PSORS1C1: variants seen among roughly 807,000 people sequenced by gnomAD.
PSORS1C1 encodes psoriasis susceptibility 1 candidate gene 1 protein.
PSORS1C1 carries 7 observed loss-of-function variants against 9.4 expected under a neutral mutation model. The ratio of observed to expected loss-of-function variants is 0.75; its 90% CI spans 0.42 to 1.40. The LOEUF is 1.40. Ranked by LOEUF, PSORS1C1 falls within the 40% of genes most tolerant of loss-of-function variation. The pLI is 0.01. For synonymous variants in PSORS1C1, 63 were observed against 69.4 expected (o/e 0.91, Z 0.46); for missense variants, 146 against 178.1 (o/e 0.82, Z 1.02).
At position 31,115,878 on chromosome 6, in the gene PSORS1C1, T is replaced by C. The variant is rs1372406947; in HGVS notation, c.-229+987T>C. 2.5e-5 allele frequency: 17 copies of C among 680,796 alleles called. No individual in the cohort carries two copies. Among genetic ancestry groups the C allele is most frequent in the Non-Finnish European group, 3.4e-5 (13 of 383,088 alleles). 42.2% of individuals were successfully genotyped at this position (680,796 alleles called of 1,614,324 possible). A position where few individuals can be genotyped will look rare whatever the true frequency, so the allele number is the denominator to read the frequency against. On this transcript the variant is annotated intron_variant, in intron 1 of 5. Coordinates refer to ENST00000259881, the MANE Select transcript of PSORS1C1 (RefSeq NM_014068.3). The surrounding 1 kb of genome is among the most constrained non-coding windows in gnomAD (Gnocchi z 4.2). ...GGTGATAAGAGAGAGTCTGCAACCT[T>C]GGGGTAGTGGAGAAAGCAGAACCAC...
rs185637801 is a variant in PSORS1C1 at position 31,123,580 on chromosome 6, T to C, written c.-228-2096T>C. On this transcript the variant is annotated intron_variant, in intron 1 of 5. Coordinates refer to ENST00000259881, the MANE Select transcript of PSORS1C1 (RefSeq NM_014068.3). ...CCGTGCATTGGACCGGGTGAGAAAG[T>C]GTGGGTGGCGTAGACACTCTACACC... Among the ~76,000 whole-genome samples the C allele has an allele frequency of 6.2e-4, 94 of 152,198 alleles. No homozygotes were observed. In the East Asian group the frequency reaches 8.1e-3, roughly 13 times the overall value.
intron 1 of PSORS1C1, among the ~76,000 whole-genome samples, chr6:31,124,981 G>A (rs1270079632): frequency 7.1e-6 from 1 of 141,484 alleles, no homozygotes; most frequent in Non-Finnish European, 1.5e-5. Context: ...AAAAAAAAGT[G>A]AAGAATTCTT....
At position 31,139,226 on chromosome 6, in the gene PSORS1C1, A is replaced by C; in HGVS notation, c.168-415A>C. ...GTGGCGTCCCTTATTTTAGTCCTCC[A>C]GCCCAGGACCCAGCTGCCTGCTCTC... On this transcript the variant is annotated intron_variant, in intron 5 of 5. Coordinates refer to ENST00000259881, the MANE Select transcript of PSORS1C1 (RefSeq NM_014068.3). The surrounding 1 kb of genome is among the most constrained non-coding windows in gnomAD (Gnocchi z 5.2). The C allele has an allele frequency of 1.7e-6, 1 of 592,912 alleles. No individual in the cohort carries two copies. The highest frequency in any genetic ancestry group is 3.0e-6 in the Non-Finnish European group (1 of 333,062). 36.7% of individuals were successfully genotyped at this position (592,912 alleles called of 1,614,324 possible).
chr6:31,137,775 A>G, intron 3 of PSORS1C1: 1 of 415,568 alleles, frequency 2.4e-6, no homozygotes, highest in South Asian at 9.6e-5. Context: ...TATGGATCTC[A>G]GGAGGGGACA....
In PSORS1C1 at chr6:31,128,870, C is replaced by T. The variant is rs1187300826; in HGVS notation, c.-64-699C>T. ...TTATTGTCATGATGTATATGTTTGT[C>T]CTCCCTAAACACAGAGCCCCTTGAG... On this transcript the variant is annotated intron_variant, in intron 2 of 5. Coordinates refer to ENST00000259881, the MANE Select transcript of PSORS1C1 (RefSeq NM_014068.3). This position sits in a 1 kb window ranked among gnomAD's most constrained non-coding sequence, Gnocchi z 4.3. 6.6e-6 allele frequency among the ~76,000 whole-genome samples: 1 copy of T among 152,024 alleles called. No individual in the cohort carries two copies. Among genetic ancestry groups the T allele is most frequent in the Non-Finnish European group, 1.5e-5 (1 of 67,996 alleles).
rs1162296338 is a variant in PSORS1C1 at position 31,116,415 on chromosome 6, G to A, written c.-229+1524G>A. On this transcript the variant is annotated intron_variant, in intron 1 of 5. Coordinates refer to ENST00000259881, the MANE Select transcript of PSORS1C1 (RefSeq NM_014068.3). ...CGGAGCTGCTGGAAATGCTAGAACT[G>A]CTGGGGACTCGAGAACTGGAGGGAG... The A allele has an allele frequency of 2.5e-6, 4 of 1,593,952 alleles. No homozygotes were observed. Among genetic ancestry groups the A allele is most frequent in the Non-Finnish European group, 3.4e-6 (4 of 1,170,094 alleles).
In PSORS1C1 at chr6:31,139,040, C is replaced by T. The variant is rs1228779619; in HGVS notation, c.167+261C>T. ...GTTGAGGATCATGGCTATGTACTGGCCCCCAAAGCTGGGGTGGGCTGAGTC... is the reference window on the plus strand; with the variant it reads ...GTTGAGGATCATGGCTATGTACTGGTCCCCAAAGCTGGGGTGGGCTGAGTC... On this transcript the variant is annotated intron_variant, in intron 5 of 5. Coordinates refer to ENST00000259881, the MANE Select transcript of PSORS1C1 (RefSeq NM_014068.3). This position sits in a 1 kb window ranked among gnomAD's most constrained non-coding sequence, Gnocchi z 5.2. The T allele has an allele frequency of 1.7e-5, 27 of 1,613,464 alleles. No homozygotes were observed. The highest frequency in any genetic ancestry group is 2.3e-5 in the Non-Finnish European group (27 of 1,179,596).
chr6:31,127,561 A>AATTATTATGATTATT (rs1772733896), intron 2 of PSORS1C1, among the ~76,000 whole-genome samples: 1 of 141,590 alleles, frequency 7.1e-6, no homozygotes, highest in Non-Finnish European at 1.5e-5. Flanking sequence ...AGGAGACAGG[A>AATTATTATGATTATT]ATTATTATTA....
intron 3 of PSORS1C1, among the ~76,000 whole-genome samples, chr6:31,130,120 AT>A (rs1339947643): frequency 2.0e-5 from 3 of 149,844 alleles, no homozygotes; most frequent in East Asian, 2.0e-4. Context: ...TAATTAATTA[AT>A]TTTTTTTCCT....
chr6:31,134,098 C>T (rs1277060917), intron 3 of PSORS1C1, among the ~76,000 whole-genome samples: 9 of 151,936 alleles, frequency 5.9e-5, no homozygotes, highest in African/African-American at 2.2e-4. Context: ...CCTGCCTCAG[C>T]CTCCTGAGAA....
At chr6:31,121,796 A>G (rs1453420250) in intron 1 of PSORS1C1, among the ~76,000 whole-genome samples, 1 of 152,226 alleles carries the variant, frequency 6.6e-6, no homozygotes, top group Non-Finnish European at 1.5e-5. Flanking sequence ...GAGGATGGAA[A>G]TGTTTCCTGT....
Position 31,122,526 on chromosome 6 carries a change from A to G in PSORS1C1, c.-228-3150A>G, listed in dbSNP as rs150204166. Among the ~76,000 whole-genome samples the G allele has an allele frequency of 3.6e-4, 55 of 152,310 alleles. No individual in the cohort carries two copies. In the East Asian group the frequency reaches 0.011, roughly 29 times the overall value. The stretch of plus-strand genomic sequence containing the variant: ...CACGGTGGCTCACGCTTGTAATCCC[A>G]GCACTATGGGAGGCCGATGCGGGCG... On this transcript the variant is annotated intron_variant, in intron 1 of 5. Transcript: ENST00000259881.
chr6:31,131,973 G>A (rs1313368207), intron 3 of PSORS1C1, among the ~76,000 whole-genome samples: 8 of 152,200 alleles, frequency 5.3e-5, no homozygotes, highest in Non-Finnish European at 8.8e-5. Context: ...AAGTTGGGCA[G>A]GGTGGCTCAC....
chr6:31,138,221 G>A (rs778698956), intron 3 of PSORS1C1: 99 of 1,566,856 alleles, frequency 6.3e-5, no homozygotes, highest in Non-Finnish European at 8.4e-5. Flanking sequence ...CGGGGACTGG[G>A]GGGCCCTGAG....
chr6:31,115,583 T>G lies in PSORS1C1; in HGVS notation c.-229+692T>G. ...GTGAAAAGTGGCCACTGTTTCCAGA[T>G]GATGGTTTGACTTTGCTTTATTTGG... On this transcript the variant is annotated intron_variant, in intron 1 of 5. Transcript: ENST00000259881. The surrounding 1 kb of genome is among the most constrained non-coding windows in gnomAD (Gnocchi z 4.2). The G allele has an allele frequency of 5.5e-6, 1 of 182,168 alleles. No individual in the cohort carries two copies. 11.3% of individuals were successfully genotyped at this position (182,168 alleles called of 1,614,324 possible).
Position 31,115,965 on chromosome 6 carries a change from G to A in PSORS1C1, c.-229+1074G>A. 1 of 1,451,430 alleles carries A rather than the reference G, an allele frequency of 6.9e-7. No individual in the cohort carries two copies. Among genetic ancestry groups the A allele is most frequent in the Non-Finnish European group, 9.6e-7 (1 of 1,036,404 alleles). 89.9% of individuals were successfully genotyped at this position (1,451,430 alleles called of 1,614,324 possible). A position where few individuals can be genotyped will look rare whatever the true frequency, so the allele number is the denominator to read the frequency against. On this transcript the variant is annotated intron_variant, in intron 1 of 5. Transcript: ENST00000259881. This position sits in a 1 kb window ranked among gnomAD's most constrained non-coding sequence, Gnocchi z 4.2. ...CCTGGGCACTGGACTTCTCCCATAT[G>A]GGATATAGTGTATGTGCTTGTTTGT...
chr6:31,136,959 G>C (rs1022028715), intron 3 of PSORS1C1, among the ~76,000 whole-genome samples: 2 of 150,708 alleles, frequency 1.3e-5, no homozygotes, highest in Non-Finnish European at 3.0e-5. Context: ...GACCAGCCTG[G>C]CCAACATGGT....
chr6:31,118,061 C>T (rs971629776), intron 1 of PSORS1C1: 12 of 156,584 alleles, frequency 7.7e-5, no homozygotes, highest in South Asian at 5.7e-4. Context: ...GGAGTCCAGG[C>T]GTAAATTCTT....
intron 2 of PSORS1C1, 71 bp from the exon 3 acceptor site, chr6:31,129,498 A>G: frequency 1.4e-6 from 1 of 720,056 alleles, no homozygotes; most frequent in Non-Finnish European, 2.6e-6. Context: ...CTGCCTATTA[A>G]TAGGTACTAA....
Sources: gnomAD v4.1 joint callset for allele counts (sites outside exome capture counted in the v4.1 genomes callset) on GRCh38, gnomAD v4.1.1 for gene constraint, Gnocchi (gnomAD v3.1) non-coding constraint, MANE v1.5 for transcripts, NCBI Gene and HGNC (gene_info 2026-07-23, HGNC 2026-07-21) for gene names.